STK32A: variants seen among roughly 807,000 people sequenced by gnomAD.
STK32A encodes the protein serine/threonine-protein kinase 32A.
In STK32A, 41 loss-of-function variants were observed where a neutral mutation model predicts 53.2. The ratio of observed to expected loss-of-function variants is 0.77; its 90% CI spans 0.60 to 1.00. The LOEUF is 1.00. STK32A is among the 50% of genes least tolerant of loss of function. The pLI, the probability that STK32A is intolerant of heterozygous loss-of-function variation, is 0.00. For synonymous variants in STK32A, 166 were observed against 162.8 expected, an observed-to-expected ratio of 1.02 and a Z score of -0.15; for missense variants, 458 against 485.8, an observed-to-expected ratio of 0.94 and a Z score of 0.54.
chr5:147,368,139 T>C (rs1404686230), intron 8 of STK32A, among the ~76,000 whole-genome samples: 2 of 152,254 alleles, frequency 1.3e-5, no homozygotes, highest in Admixed American at 1.3e-4. Flanking sequence ...TACTATCTCA[T>C]TGCCATTGCA....
chr5:147,295,483 G>T (rs895974767), intron 4 of STK32A, among the ~76,000 whole-genome samples: 1 of 152,200 alleles, frequency 6.6e-6, no homozygotes, highest in Non-Finnish European at 1.5e-5. Context: ...CAGAAGGCAC[G>T]GTGGCTTTCA....
At position 147,237,997 on chromosome 5, in the gene STK32A, T is replaced by C. The variant is rs894944336; in HGVS notation, c.-96-1542T>C. Among the ~76,000 whole-genome samples, 3 of 152,370 alleles carry C rather than the reference T, an allele frequency of 2.0e-5. No individual in the cohort carries two copies. The South Asian group carries it at 6.2e-4, about 32-fold the overall frequency. ...CGCAATAAGGAAATTCTGCTACTCT[T>C]AGAAATAGCAGGAGCTAACATTCAT... On this transcript the variant is annotated intron_variant, in intron 1 of 12. Transcript: ENST00000397936.
intron 11 of STK32A, among the ~76,000 whole-genome samples, chr5:147,377,802 C>A (rs960068937): frequency 6.6e-6 from 1 of 152,026 alleles, no homozygotes; most frequent in Non-Finnish European, 1.5e-5. Flanking sequence ...GAGTGCTTTC[C>A]GGAGTTTTGA....
chr5:147,255,063 C>T (rs911601976), intron 2 of STK32A, among the ~76,000 whole-genome samples: 1 of 152,050 alleles, frequency 6.6e-6, no homozygotes, highest in Non-Finnish European at 1.5e-5. Context: ...TGGCATGAAC[C>T]CAGGAGGCGG....
chr5:147,395,508 G>A, the STK32A span: 10 of 1,561,258 alleles, frequency 6.4e-6, no homozygotes, highest in African/African-American at 1.4e-5. Context: ...TCAGAACATT[G>A]ATCTTCCCCT....
chr5:147,284,568 A>T (rs1192682962), intron 4 of STK32A, among the ~76,000 whole-genome samples: 1 of 152,144 alleles, frequency 6.6e-6, no homozygotes, highest in Non-Finnish European at 1.5e-5. Flanking sequence ...AAGTTTCCGG[A>T]TACAAGATTA....
chr5:147,269,893 G>A (rs1403015463), intron 2 of STK32A, among the ~76,000 whole-genome samples: 1 of 152,178 alleles, frequency 6.6e-6, no homozygotes, highest in Non-Finnish European at 1.5e-5. Context: ...TGCATACAGG[G>A]AGATAATCAG....
intron 4 of STK32A, among the ~76,000 whole-genome samples, chr5:147,302,596 A>G (rs1753193264): frequency 6.6e-6 from 1 of 152,142 alleles, no homozygotes; most frequent in Non-Finnish European, 1.5e-5. Flanking sequence ...ATCATGTCTG[A>G]GTTAGGTACA....
intron 5 of STK32A, among the ~76,000 whole-genome samples, chr5:147,340,045 C>T (rs11954258): frequency 0.12 from 18,341 of 152,154 alleles, 1,211 homozygotes; most frequent in South Asian, 0.16. Context: ...AGCTTCCAGA[C>T]GTTGCCAAGG....
intron 4 of STK32A, among the ~76,000 whole-genome samples, chr5:147,300,525 C>T (rs767944190): frequency 5.9e-5 from 9 of 152,218 alleles, no homozygotes; most frequent in Non-Finnish European, 1.2e-4. Context: ...GTGCCTACCG[C>T]ACAGTAAGTG....
At chr5:147,286,830 G>A (rs1004009567) in intron 4 of STK32A, among the ~76,000 whole-genome samples, 1 of 152,072 alleles carries the variant, frequency 6.6e-6, no homozygotes, top group Non-Finnish European at 1.5e-5. Flanking sequence ...TTTAAACATT[G>A]TAATTAAATA....
At chr5:147,334,030 C>A (rs1754999100) in intron 5 of STK32A, among the ~76,000 whole-genome samples, 1 of 152,090 alleles carries the variant, frequency 6.6e-6, no homozygotes, top group African/African-American at 2.4e-5. Context: ...CTTGCAAAAT[C>A]AGGAGTGCTT....
At chr5:147,311,953 AAC>A (rs555911714) in intron 4 of STK32A, among the ~76,000 whole-genome samples, 180 of 152,244 alleles carry the variant, frequency 1.2e-3, no homozygotes, top group African/African-American at 4.0e-3. Context: ...CAGAGGGGGA[AAC>A]ACAGAGGAGT....
chr5:147,245,393 T>C (rs1258500014), intron 2 of STK32A, among the ~76,000 whole-genome samples: 2 of 152,246 alleles, frequency 1.3e-5, no homozygotes, highest in African/African-American at 4.8e-5. Context: ...GTAACACTTC[T>C]TTTTAATGCT....
intron 5 of STK32A, among the ~76,000 whole-genome samples, chr5:147,336,706 G>T (rs1755141257): frequency 6.6e-6 from 1 of 152,076 alleles, no homozygotes; most frequent in East Asian, 1.9e-4. Context: ...TTTCACTTCT[G>T]CCCCCTATTC....
At chr5:147,271,981 A>C (rs1455726680) in intron 2 of STK32A, among the ~76,000 whole-genome samples, 3 of 152,060 alleles carry the variant, frequency 2.0e-5, no homozygotes, top group Non-Finnish European at 4.4e-5. Context: ...CCCCTTTTGA[A>C]AATCCCTAAT....
chr5:147,289,113 AG>A (rs777918279), intron 4 of STK32A, among the ~76,000 whole-genome samples: 45 of 152,152 alleles, frequency 3.0e-4, no homozygotes, highest in South Asian at 2.1e-3. Context: ...TGCAGTGTCA[AG>A]GGGGTTATCT....
chr5:147,345,896 T>C (rs910751909), intron 6 of STK32A, among the ~76,000 whole-genome samples: 2 of 152,196 alleles, frequency 1.3e-5, no homozygotes, highest in East Asian at 3.8e-4. Context: ...TGAACTCAAC[T>C]TGAAAATCAA....
intron 4 of STK32A, among the ~76,000 whole-genome samples, chr5:147,296,856 T>C (rs11956052): frequency 0.22 from 33,387 of 152,004 alleles, 4,164 homozygotes; most frequent in African/African-American, 0.32. Context: ...CTTAGTTAAA[T>C]AGGTGGGCTT....
Sources: gnomAD v4.1 joint callset for allele counts (sites outside exome capture counted in the v4.1 genomes callset) on GRCh38, gnomAD v4.1.1 for gene constraint, MANE v1.5 for transcripts, NCBI Gene and HGNC (gene_info 2026-07-23, HGNC 2026-07-21) for gene names.